PLCH1: variants seen among roughly 807,000 people sequenced by gnomAD.
The protein encoded by PLCH1 is phospholipase C eta 1, also known as 1-phosphatidylinositol 4,5-bisphosphate phosphodiesterase eta-1.
Under a neutral mutation model 126.7 loss-of-function variants are expected in PLCH1, and 60 were observed. The ratio of observed to expected loss-of-function variants is 0.47; its 90% CI spans 0.38 to 0.59. The LOEUF (loss-of-function observed/expected upper bound fraction) is 0.59. PLCH1 is among the 20% of genes least tolerant of loss of function. PLCH1 has a pLI of 0.00. For missense variants in PLCH1, 1,723 were observed against 2,040.0 expected, an observed-to-expected ratio of 0.84 and a Z score of 2.99; for synonymous variants, 719 against 734.9, an observed-to-expected ratio of 0.98 and a Z score of 0.35.
intron 21 of PLCH1, among the ~76,000 whole-genome samples, chr3:155,487,615 G>A (rs1486653610): frequency 6.6e-6 from 1 of 152,172 alleles, no homozygotes; most frequent in African/African-American, 2.4e-5. Context: ...CCTAGAAGTC[G>A]CTGGGATCAC....
At chr3:155,717,132 C>T (rs1172336323) in intron 1 of PLCH1, among the ~76,000 whole-genome samples, 2 of 152,248 alleles carry the variant, frequency 1.3e-5, no homozygotes, top group African/African-American at 2.4e-5. Flanking sequence ...ACTCCATGAC[C>T]CACATTCAGG....
intron 2 of PLCH1, among the ~76,000 whole-genome samples, chr3:155,621,565 A>T (rs1736501067): frequency 6.6e-6 from 1 of 152,246 alleles, no homozygotes; most frequent in South Asian, 2.1e-4. Flanking sequence ...AGAAGAACAC[A>T]AATTACCTGA....
intron 10 of PLCH1, 145 bp downstream of exon 10, chr3:155,549,642 G>A: frequency 3.4e-6 from 2 of 588,310 alleles, no homozygotes; most frequent in Non-Finnish European, 5.9e-6. Flanking sequence ...AAAAAAATTG[G>A]AATAAGGCGC....
At chr3:155,566,552 A>G (rs1728567867) in intron 7 of PLCH1, among the ~76,000 whole-genome samples, 1 of 151,888 alleles carries the variant, frequency 6.6e-6, no homozygotes, top group Non-Finnish European at 1.5e-5. Context: ...TATTACGTTC[A>G]TCTGAAAAAC....
intron 5 of PLCH1, 115 bp downstream of exon 5, chr3:155,585,950 A>T (rs1262744959): frequency 1.7e-5 from 12 of 692,656 alleles, no homozygotes; most frequent in Non-Finnish European, 1.9e-5. Flanking sequence ...AAAATAAAAC[A>T]GTACAGAGCA....
chr3:155,479,611 C>G (rs1405970730), downstream of PLCH1, among the ~76,000 whole-genome samples: 4 of 152,132 alleles, frequency 2.6e-5, no homozygotes, highest in Non-Finnish European at 5.9e-5. Flanking sequence ...CACCCACCAC[C>G]ACAACCAGTT....
At chr3:155,676,132 G>A (rs945647543) in intron 2 of PLCH1, 2 of 1,378,638 alleles carry the variant, frequency 1.5e-6, no homozygotes, top group South Asian at 3.9e-5. Context: ...CAAAAAGGGT[G>A]GGGGGAAAAA....
At chr3:155,556,919 C>T (rs1261036020) in intron 8 of PLCH1, among the ~76,000 whole-genome samples, 1 of 152,062 alleles carries the variant, frequency 6.6e-6, no homozygotes, top group East Asian at 1.9e-4. Context: ...TGCAGAACCC[C>T]GACTAATACA....
chr3:155,724,740 C>G (rs1748188927), intron 1 of PLCH1, among the ~76,000 whole-genome samples: 1 of 150,994 alleles, frequency 6.6e-6, no homozygotes, highest in Non-Finnish European at 1.5e-5. Context: ...CATTTACATT[C>G]AATGTTAGTA....
chr3:155,459,991 C>T (rs1262513748), intron 21 of PLCH1, among the ~76,000 whole-genome samples: 1 of 152,106 alleles, frequency 6.6e-6, no homozygotes, highest in Non-Finnish European at 1.5e-5. Flanking sequence ...GCTACTGATG[C>T]AGAAATTCTG....
chr3:155,531,530 C>T (rs1722672918), intron 10 of PLCH1, among the ~76,000 whole-genome samples: 1 of 152,222 alleles, frequency 6.6e-6, no homozygotes, highest in South Asian at 2.1e-4. Flanking sequence ...GAAGCTGAGG[C>T]AGGAGAATCA....
rs1452727021 is a variant in PLCH1 at position 155,458,246 on chromosome 3, GC to G, written c.2938+27109del. Among the ~76,000 whole-genome samples, 12 of 150,876 alleles carry G rather than the reference GC, an allele frequency of 8.0e-5. No individual in the cohort carries two copies. In the South Asian group the frequency reaches 1.7e-3, roughly 21 times the overall value. ...AATTCCAGCTACTAAGGAGGCTGAG[GC>G]AGGAGAATCACTTGAACCTGGGAGG... is the stretch of plus-strand genomic sequence containing the variant. On this transcript the variant is annotated intron_variant, in intron 21 of 21. Coordinates refer to the PLCH1 transcript ENST00000494598.
intron 5 of PLCH1, among the ~76,000 whole-genome samples, chr3:155,583,907 G>GA (rs1362061090): frequency 7.2e-6 from 1 of 137,986 alleles, no homozygotes; most frequent in African/African-American, 2.9e-5. Flanking sequence ...AATCAACAAA[G>GA]AAACCTTAAA....
At chr3:155,550,162 A>G (rs1725915787) in intron 9 of PLCH1, among the ~76,000 whole-genome samples, 1 of 152,226 alleles carries the variant, frequency 6.6e-6, no homozygotes, top group Admixed American at 6.5e-5. Context: ...GCTAAGCATA[A>G]TGGATGAACA....
At chr3:155,727,555 T>G (rs1748435228) in intron 1 of PLCH1, among the ~76,000 whole-genome samples, 1 of 152,078 alleles carries the variant, frequency 6.6e-6, no homozygotes, top group South Asian at 2.1e-4. Context: ...GCCCAGCTAA[T>G]TTTTGTATTT....
rs60339858 is a variant in PLCH1, at chr3:155,726,697, C to CTT, written c.-41+18141_-41+18142dup. On this transcript the variant is annotated intron_variant, in intron 1 of 22. Transcript: ENST00000460012. ...CAATAATTAAAATTTTGTTCAGATT[C>CTT]TTTTTTTTTTTTTTTGAGACGGGGT... Among the ~76,000 whole-genome samples the CTT allele has an allele frequency of 5.7e-3, 773 of 135,846 alleles. 8 individuals are homozygous for CTT. The highest frequency in any genetic ancestry group is 0.02 in the African/African-American group (727 of 36,992). 89.1% of individuals were successfully genotyped at this position (135,846 alleles called of 152,430 possible). A position where few individuals can be genotyped will look rare whatever the true frequency, so the allele number is the denominator to read the frequency against.
intron 1 of PLCH1, among the ~76,000 whole-genome samples, chr3:155,720,825 T>G (rs563489163): frequency 6.6e-6 from 1 of 152,340 alleles, no homozygotes; most frequent in South Asian, 2.1e-4. Context: ...GTTTTTCCAA[T>G]GTTATCTTCC....
chr3:155,638,240 A>C (rs905188085), intron 2 of PLCH1, among the ~76,000 whole-genome samples: 2 of 152,194 alleles, frequency 1.3e-5, no homozygotes, highest in Non-Finnish European at 2.9e-5. Context: ...TGGTTTACCT[A>C]ATGGTCTCTT....
chr3:155,547,933 A>G (rs908056902), intron 10 of PLCH1, among the ~76,000 whole-genome samples: 34 of 150,950 alleles, frequency 2.3e-4, no homozygotes, highest in Non-Finnish European at 4.0e-4. Context: ...AGATATACCT[A>G]ATGCTAAATG....
Sources: gnomAD v4.1 joint callset for allele counts (sites outside exome capture counted in the v4.1 genomes callset) on GRCh38, gnomAD v4.1.1 for gene constraint, MANE v1.5 for transcripts, NCBI Gene and HGNC (gene_info 2026-07-23, HGNC 2026-07-21) for gene names.